Variants in AAGAB observed in about 807,000 individuals in gnomAD.
The protein encoded by AAGAB is alpha- and gamma-adaptin-binding protein p34.
AAGAB carries 38 observed loss-of-function variants against 44.1 expected under a neutral mutation model. That is an observed-to-expected ratio of 0.86 (90% CI 0.67 to 1.13). The LOEUF is 1.13. AAGAB is among the 50% of genes most tolerant of loss of function. The pLI is 0.00. For synonymous variants in AAGAB, 131 were observed against 131.8 expected (o/e 0.99, Z 0.04); for missense variants, 450 against 373.8 (o/e 1.20, Z -1.68).
chr15:67,227,636 G>A (rs905074805), intron 5 of AAGAB, among the ~76,000 whole-genome samples: 9 of 152,174 alleles, frequency 5.9e-5, no homozygotes, highest in Non-Finnish European at 1.3e-4. Flanking sequence ...AGCAGGCTGA[G>A]GAAGGCACAG....
At chr15:67,202,944 C>T (rs1434200027) in intron 9 of AAGAB, 46 bp from the exon 10 acceptor site, 3 of 1,570,620 alleles carry the variant, frequency 1.9e-6, no homozygotes. Flanking sequence ...AGCTACATTT[C>T]AGCTTGTTTC....
At chr15:67,205,756 A>G (rs1056449515) in intron 7 of AAGAB, among the ~76,000 whole-genome samples, 2 of 152,226 alleles carry the variant, frequency 1.3e-5, no homozygotes, top group Non-Finnish European at 2.9e-5. Flanking sequence ...GGCAAAAGAC[A>G]GACATGAGTG....
chr15:67,236,855 CA>C, intron 1 of AAGAB, 35 bp from the exon 2 acceptor site: 1 of 1,521,812 alleles, frequency 6.6e-7, no homozygotes. Context: ...ATGTAAAGTG[CA>C]AAACCAATAT....
At chr15:67,204,017 C>G in intron 8 of AAGAB, 27 bp downstream of exon 8, 1 of 1,357,784 alleles carries the variant, frequency 7.4e-7, no homozygotes, top group Non-Finnish European at 1.0e-6. Flanking sequence ...AACATGGGAA[C>G]ATATTAGACA....
At chr15:67,234,231 C>G (rs959215620) in intron 4 of AAGAB, among the ~76,000 whole-genome samples, 1 of 151,846 alleles carries the variant, frequency 6.6e-6, no homozygotes, top group Non-Finnish European at 1.5e-5. Flanking sequence ...CCAGCCTGGG[C>G]AACAGAGAGA....
chr15:67,253,756 T>TAAAA (rs34153830), intron 1 of AAGAB, among the ~76,000 whole-genome samples: 2 of 142,784 alleles, frequency 1.4e-5, no homozygotes, highest in Non-Finnish European at 3.1e-5. Context: ...CCCGTCTCTT[T>TAAAA]AAAAAAAAAA....
intron 1 of AAGAB, among the ~76,000 whole-genome samples, chr15:67,247,597 C>G (rs575908758): frequency 1.6e-4 from 25 of 152,228 alleles, no homozygotes; most frequent in African/African-American, 5.3e-4. Flanking sequence ...GGTATTTCTC[C>G]TCCTACTCTC....
rs770712735 is a variant in AAGAB at position 67,208,676 on chromosome 15, C to T, written c.619-18G>A. ...TGGGGTTGCTGTTGAGGAAAATACACATAAGCAACAATTTAATCGTAGTCT... is the reference window on the plus strand; with the variant it reads ...TGGGGTTGCTGTTGAGGAAAATACATATAAGCAACAATTTAATCGTAGTCT... On this transcript the variant is annotated intron_variant, in intron 6 of 9. Coordinates refer to ENST00000261880, the MANE Select transcript of AAGAB (RefSeq NM_024666.5). 3.1e-6 allele frequency: 5 copies of T among 1,601,710 alleles called. No individual in the cohort carries two copies. The Admixed American group carries it at 8.3e-5, about 27-fold the overall frequency.
At chr15:67,251,749 T>C (rs1964878615) in intron 1 of AAGAB, among the ~76,000 whole-genome samples, 1 of 152,220 alleles carries the variant, frequency 6.6e-6, no homozygotes, top group African/African-American at 2.4e-5. Flanking sequence ...TTCCACGGCC[T>C]AATATCACCG....
chr15:67,210,437 A>G (rs1296153956), intron 5 of AAGAB, among the ~76,000 whole-genome samples: 1 of 151,238 alleles, frequency 6.6e-6, no homozygotes, highest in Admixed American at 6.6e-5. Context: ...AATCGCTTGA[A>G]CCCAGGAGGC....
At chr15:67,248,493 C>T (rs1964782258) in intron 1 of AAGAB, among the ~76,000 whole-genome samples, 1 of 152,178 alleles carries the variant, frequency 6.6e-6, no homozygotes, top group African/African-American at 2.4e-5. Flanking sequence ...CCAAAGAGTG[C>T]ACTCAAAATA....
At chr15:67,222,242 G>GCGCACACACGCA (rs1367738219) in intron 5 of AAGAB, among the ~76,000 whole-genome samples, 3 of 90,044 alleles carry the variant, frequency 3.3e-5, no homozygotes, top group Non-Finnish European at 6.9e-5. Context: ...GCGCGCGCGC[G>GCGCACACACGCA]CACACACACA....
intron 5 of AAGAB, among the ~76,000 whole-genome samples, chr15:67,224,513 A>T (rs1314925416): frequency 6.6e-6 from 1 of 152,082 alleles, no homozygotes; most frequent in Non-Finnish European, 1.5e-5. Context: ...TTCCCTATAG[A>T]TGACTCCATA....
intron 4 of AAGAB, among the ~76,000 whole-genome samples, chr15:67,233,304 T>C (rs1387526121): frequency 6.6e-6 from 1 of 152,206 alleles, no homozygotes; most frequent in African/African-American, 2.4e-5. Context: ...TAGTTTAGTT[T>C]ATTATTAGTA....
chr15:67,237,190 A>T (rs1233391372), intron 1 of AAGAB, among the ~76,000 whole-genome samples: 1 of 152,216 alleles, frequency 6.6e-6, no homozygotes, highest in African/African-American at 2.4e-5. Flanking sequence ...GTAGACAATA[A>T]CAATCTTCTA....
intron 1 of AAGAB, among the ~76,000 whole-genome samples, chr15:67,237,227 G>A (rs1224405121): frequency 6.6e-6 from 1 of 152,116 alleles, no homozygotes; most frequent in Non-Finnish European, 1.5e-5. Flanking sequence ...TGTACTTATT[G>A]CAAACTAAAA....
At chr15:67,208,302 G>A (rs1399546091) in intron 7 of AAGAB, among the ~76,000 whole-genome samples, 6 of 152,156 alleles carry the variant, frequency 3.9e-5, no homozygotes, top group Admixed American at 2.6e-4. Context: ...CACCTGGTTC[G>A]GTCTGCCTTG....
rs760899710 is a variant in AAGAB, at chr15:67,236,549, TAGTC to T, written c.265-49_265-46del. The T allele has an allele frequency of 1.8e-4, 294 of 1,605,844 alleles. 4 individuals carry two copies. Among genetic ancestry groups the T allele is most frequent in the South Asian group, 4.4e-4 (40 of 90,554 alleles). On this transcript the variant is annotated intron_variant, in intron 2 of 9. Transcript: ENST00000261880. ...TAAACAAACAAAAACAGAAAAGAGA[TAGTC>T]AGACAAAATGTAATGGGAAAAAAAG... is the stretch of plus-strand genomic sequence containing the variant.
chr15:67,227,749 A>G (rs543042107), intron 5 of AAGAB, among the ~76,000 whole-genome samples: 5 of 152,304 alleles, frequency 3.3e-5, no homozygotes, highest in African/African-American at 1.2e-4. Context: ...ATATCCATAG[A>G]AAGCTTTGTC....
Sources: gnomAD v4.1 joint callset for allele counts (sites outside exome capture counted in the v4.1 genomes callset) on GRCh38, gnomAD v4.1.1 for gene constraint, MANE v1.5 for transcripts, NCBI Gene and HGNC (gene_info 2026-07-23, HGNC 2026-07-21) for gene names.